The following PRKG1 variants were observed in gnomAD, a reference collection of about 807,000 sequenced individuals.
The protein encoded by PRKG1 is protein kinase cGMP-dependent 1, also known as cGMP-dependent protein kinase 1.
Under a neutral mutation model 88.1 loss-of-function variants are expected in PRKG1, and 35 were observed. The observed-to-expected ratio is 0.40, with a 90% CI of 0.30 to 0.53. The LOEUF (loss-of-function observed/expected upper bound fraction) is 0.53, where lower values mean the gene tolerates loss of function less well. Among genes scored for constraint, PRKG1 ranks in the 20% least tolerant of loss-of-function variants. The pLI, the probability that PRKG1 is intolerant of heterozygous loss-of-function variation, is 0.59. For missense variants in PRKG1, 540 were observed against 839.8 expected (o/e 0.64, Z 4.41); for synonymous variants, 303 against 292.5 (o/e 1.04, Z -0.37).
chr10:51,259,254 A>G (rs1839642504), intron 2 of PRKG1, among the ~76,000 whole-genome samples: 1 of 152,162 alleles, frequency 6.6e-6, no homozygotes, highest in African/African-American at 2.4e-5. Context: ...CATGAGAATG[A>G]GGTTTTAGGC....
intron 2 of PRKG1, among the ~76,000 whole-genome samples, chr10:51,333,814 C>T (rs1297768767): frequency 5.9e-5 from 9 of 152,166 alleles, no homozygotes; most frequent in Admixed American, 3.9e-4. Context: ...GGTCCTTCAA[C>T]ATACCTTTCT....
chr10:51,952,677 A>G (rs1843212935), intron 5 of PRKG1, among the ~76,000 whole-genome samples: 2 of 152,334 alleles, frequency 1.3e-5, no homozygotes, highest in African/African-American at 4.8e-5. Flanking sequence ...AGGAGGCATC[A>G]TGGTACAGAA....
intron 2 of PRKG1, among the ~76,000 whole-genome samples, chr10:51,170,443 C>T (rs1236621287): frequency 2.0e-5 from 3 of 147,950 alleles, no homozygotes; most frequent in African/African-American, 5.2e-5. Flanking sequence ...GGTATACACA[C>T]ACACACACAC....
intron 3 of PRKG1, among the ~76,000 whole-genome samples, chr10:51,502,251 A>G (rs145803767): frequency 1.5e-3 from 221 of 152,194 alleles, no homozygotes; most frequent in African/African-American, 5.2e-3. Context: ...AATACATGCC[A>G]GGGAGGTGTA....
intron 3 of PRKG1, among the ~76,000 whole-genome samples, chr10:51,527,433 A>G (rs1007573994): frequency 1.3e-5 from 2 of 152,192 alleles, no homozygotes; most frequent in African/African-American, 2.4e-5. Context: ...GAAAAAACAA[A>G]AACAAAAACA....
chr10:51,132,328 A>G (rs1845585865), intron 1 of PRKG1, among the ~76,000 whole-genome samples: 1 of 152,146 alleles, frequency 6.6e-6, no homozygotes, highest in Non-Finnish European at 1.5e-5. Flanking sequence ...AGGCAGAAAA[A>G]CTTGAAATTA....
intron 1 of PRKG1, chr10:51,148,248 A>G (rs1845986660): frequency 2.0e-5 from 20 of 985,338 alleles, no homozygotes; most frequent in Non-Finnish European, 2.4e-5. Flanking sequence ...ATGGATAGAC[A>G]ATACTGTAGG....
At chr10:52,090,144 T>C (rs1847019671) in intron 7 of PRKG1, among the ~76,000 whole-genome samples, 1 of 152,062 alleles carries the variant, frequency 6.6e-6, no homozygotes, top group Non-Finnish European at 1.5e-5. Context: ...CATTACTCCA[T>C]AAAGAAACCA....
intron 3 of PRKG1, among the ~76,000 whole-genome samples, chr10:51,533,613 G>T (rs1478847481): frequency 4.8e-5 from 4 of 82,896 alleles, no homozygotes; most frequent in African/African-American, 1.0e-4. Context: ...TCAACTAAAA[G>T]CTTTAAAAAA....
chr10:51,532,089 G>A (rs145053025), intron 3 of PRKG1, among the ~76,000 whole-genome samples: 34 of 152,280 alleles, frequency 2.2e-4, no homozygotes, highest in African/African-American at 7.9e-4. Context: ...CTACTTTCTT[G>A]TTTGTTTCTT....
At chr10:51,332,406 A>C (rs211069) in intron 2 of PRKG1, among the ~76,000 whole-genome samples, 81,944 of 151,832 alleles carry the variant, frequency 0.54, 22,177 homozygotes, top group Middle Eastern at 0.57. Context: ...ACTCCCCTCC[A>C]CCTAAAAAAA....
Position 52,093,066 on chromosome 10 carries a change from AG to A in PRKG1, c.935+30436del, listed in dbSNP as rs199559022. 4.5e-4 allele frequency among the ~76,000 whole-genome samples: 68 copies of A among 152,290 alleles called. 1 individual carries two copies. The East Asian group carries it at 0.013, about 29-fold the overall frequency. On this transcript the variant is annotated intron_variant, in intron 7 of 17. Transcript: ENST00000373980. Reference sequence around the variant, plus strand: ...TTCAGTAAAATGGGATGATAATCTTAGTACCCCATGAAATGTGATTGTTCAA... The same window carrying A: ...TTCAGTAAAATGGGATGATAATCTTATACCCCATGAAATGTGATTGTTCAA...
intron 3 of PRKG1, among the ~76,000 whole-genome samples, chr10:51,569,846 C>T (rs971282259): frequency 7.9e-5 from 12 of 151,824 alleles, no homozygotes; most frequent in East Asian, 1.9e-4. Flanking sequence ...CATATAAATG[C>T]GGACAGTTCT....
chr10:51,810,629 T>G (rs1839429397), intron 4 of PRKG1, among the ~76,000 whole-genome samples: 1 of 152,210 alleles, frequency 6.6e-6, no homozygotes, highest in Non-Finnish European at 1.5e-5. Flanking sequence ...CAATAATGCT[T>G]GTATATATAT....
chr10:51,236,214 T>C (rs1915672), intron 2 of PRKG1, among the ~76,000 whole-genome samples: 69,610 of 152,042 alleles, frequency 0.46, 16,035 homozygotes, highest in Middle Eastern at 0.54. Context: ...GCTACCTCAT[T>C]GACAGGGGAG....
intron 2 of PRKG1, among the ~76,000 whole-genome samples, chr10:51,364,035 T>C (rs550111163): frequency 1.3e-5 from 2 of 152,116 alleles, no homozygotes; most frequent in Non-Finnish European, 2.9e-5. Flanking sequence ...CACTGACCTC[T>C]CTTTTCCTGG....
intron 2 of PRKG1, among the ~76,000 whole-genome samples, chr10:51,369,058 T>C (rs1358221422): frequency 1.3e-5 from 2 of 152,082 alleles, no homozygotes; most frequent in Non-Finnish European, 2.9e-5. Context: ...ATTATATACC[T>C]GGAGATTTCG....
chr10:51,641,402 A>AT (rs2132298153), intron 3 of PRKG1, among the ~76,000 whole-genome samples: 2 of 152,268 alleles, frequency 1.3e-5, no homozygotes, highest in South Asian at 4.1e-4. Flanking sequence ...AAGGTGATGA[A>AT]TTTTTTAGTC....
intron 5 of PRKG1, among the ~76,000 whole-genome samples, chr10:52,018,359 G>T (rs1485218277): frequency 2.0e-5 from 3 of 152,130 alleles, no homozygotes; most frequent in Non-Finnish European, 4.4e-5. Context: ...CTATTTATTT[G>T]TAAGATGGAT....
Sources: allele counts gnomAD v4.1 joint callset (sites outside exome capture counted in the v4.1 genomes callset), GRCh38; gene constraint gnomAD v4.1.1; transcripts MANE v1.5; gene names NCBI Gene and HGNC (gene_info 2026-07-23, HGNC 2026-07-21).